MGAT5: variants seen among roughly 807,000 people sequenced by gnomAD.
The protein encoded by MGAT5 is alpha-1,6-mannosylglycoprotein 6-beta-N-acetylglucosaminyltransferase A.
In MGAT5, 30 loss-of-function variants were observed where a neutral mutation model predicts 94.3. The observed-to-expected ratio is 0.32, with a 90% CI of 0.24 to 0.43. The LOEUF (loss-of-function observed/expected upper bound fraction) is 0.43, where lower values mean the gene tolerates loss of function less well. MGAT5 is among the 20% of genes least tolerant of loss of function. The pLI, the probability that MGAT5 is intolerant of heterozygous loss-of-function variation, is 1.00. For synonymous variants in MGAT5, 310 were observed against 322.9 expected (o/e 0.96, Z 0.43); for missense variants, 691 against 905.5 (o/e 0.76, Z 3.04).
chr2:134,439,637 C>A (rs1049443873), intron 14 of MGAT5, among the ~76,000 whole-genome samples: 1 of 152,206 alleles, frequency 6.6e-6, no homozygotes, highest in Admixed American at 6.5e-5. Flanking sequence ...GCGGAGGTAG[C>A]AGGGAACCGA....
At chr2:134,130,758 T>C (rs1312349177) in intron 1 of MGAT5, among the ~76,000 whole-genome samples, 1 of 143,400 alleles carries the variant, frequency 7.0e-6, no homozygotes, top group Non-Finnish European at 1.6e-5. Context: ...GCTAAAGGAT[T>C]GTAAAAATGC....
intron 2 of MGAT5, among the ~76,000 whole-genome samples, chr2:134,276,080 T>C (rs1384674889): frequency 6.6e-6 from 1 of 152,136 alleles, no homozygotes; most frequent in African/African-American, 2.4e-5. Context: ...GAAAGACGCC[T>C]GAGACGCTGA....
intron 1 of MGAT5, among the ~76,000 whole-genome samples, chr2:134,177,364 T>TG (rs1417486883): frequency 6.6e-6 from 1 of 152,038 alleles, no homozygotes; most frequent in Non-Finnish European, 1.5e-5. Flanking sequence ...CCCACAGGCC[T>TG]GGGGGGATCT....
intron 1 of MGAT5, among the ~76,000 whole-genome samples, chr2:134,263,195 T>G (rs1271876595): frequency 6.6e-6 from 1 of 152,178 alleles, no homozygotes; most frequent in East Asian, 1.9e-4. Flanking sequence ...CCTTATCTTT[T>G]CTATAAAAAA....
At chr2:134,423,017 C>T in intron 13 of MGAT5, 98 bp downstream of exon 13, 1 of 835,122 alleles carries the variant, frequency 1.2e-6, no homozygotes, top group Non-Finnish European at 2.0e-6. Flanking sequence ...CAGATCTTTA[C>T]CACATCAGCT....
At chr2:134,130,649 CCAAT>C in intron 1 of MGAT5, among the ~76,000 whole-genome samples, 2 of 143,634 alleles carry the variant, frequency 1.4e-5, no homozygotes, top group Non-Finnish European at 3.2e-5. Flanking sequence ...TGTAAATGCA[CCAAT>C]CAGCACTCTG....
intron 1 of MGAT5, among the ~76,000 whole-genome samples, chr2:134,126,285 C>G (rs1466852574): frequency 6.6e-6 from 1 of 152,136 alleles, no homozygotes; most frequent in East Asian, 1.9e-4. Context: ...GAGTTAAGTT[C>G]AGTGATAAAG....
At chr2:134,424,082 A>T (rs1028073683) in intron 13 of MGAT5, among the ~76,000 whole-genome samples, 1 of 152,220 alleles carries the variant, frequency 6.6e-6, no homozygotes, top group Non-Finnish European at 1.5e-5. Flanking sequence ...TTTCTGGAGA[A>T]TGCAGCCTTT....
chr2:134,189,602 G>GTTTTGTTTTGTTTTTTTTT lies in MGAT5; in HGVS notation c.-142-64656_-142-64655insGTTTTGTTTTTTTTTTTTT, dbSNP rs1553490380. ...AACCTCATGGCTCTAGTTTTTTTTTGTTTTTTTTTTTTTTTTTTAAGACAG... is the reference window on the plus strand; with the variant it reads ...AACCTCATGGCTCTAGTTTTTTTTTGTTTTGTTTTGTTTTTTTTTTTTTTTTTTTTTTTTTTTAAGACAG... On this transcript the variant is annotated intron_variant, in intron 1 of 16. Transcript: ENST00000409645. Among the ~76,000 whole-genome samples the GTTTTGTTTTGTTTTTTTTT allele has an allele frequency of 3.7e-3, 309 of 84,616 alleles. 15 individuals carry two copies. Among genetic ancestry groups the GTTTTGTTTTGTTTTTTTTT allele is most frequent in the African/African-American group, 0.014 (284 of 20,964 alleles). The allele number at this position is 84,616 out of a possible 152,430, so 55.5% of individuals were successfully genotyped here.
chr2:134,163,188 G>A lies in MGAT5; in HGVS notation c.-143+42897G>A, dbSNP rs538775487. On this transcript the variant is annotated intron_variant, in intron 1 of 16. Transcript: ENST00000409645. ...GGGCTTGGAAGGGGGATGTATTGGG[G>A]ACAGGGAAAATAACCTAGCTACGAT... is the stretch of plus-strand genomic sequence containing the variant. Among the ~76,000 whole-genome samples, 3 of 152,242 alleles carry A rather than the reference G, an allele frequency of 2.0e-5. No homozygotes were observed. In the South Asian group the frequency reaches 6.2e-4, roughly 32 times the overall value.
At position 134,454,485 on chromosome 2, in the gene MGAT5, T is replaced by TAA. The variant is rs1553470347; in HGVS notation, c.*5639_*5640dup. 2.0e-5 allele frequency: 3 copies of TAA among 152,206 alleles called. No individual in the cohort carries two copies. The highest frequency in any genetic ancestry group is 4.4e-5 in the Non-Finnish European group (3 of 68,026). 9.4% of individuals were successfully genotyped at this position (152,206 alleles called of 1,614,324 possible). A position where few individuals can be genotyped will look rare whatever the true frequency, so the allele number is the denominator to read the frequency against. On this transcript the variant is annotated 3_prime_UTR_variant, in exon 16 of 16. Transcript: ENST00000281923. ...ATTTTGTGTGATTCACTTCGGGGGT[T>TAA]AAGTAATGCAGGATTCTGCAAACAA...
chr2:134,164,614 C>A (rs1038419992), intron 1 of MGAT5, among the ~76,000 whole-genome samples: 25 of 152,128 alleles, frequency 1.6e-4, no homozygotes, highest in Admixed American at 4.6e-4. Context: ...CCTCTCATTT[C>A]TGATGCTTTC....
chr2:134,390,829 T>G (rs1035919155), intron 10 of MGAT5, among the ~76,000 whole-genome samples: 1 of 152,220 alleles, frequency 6.6e-6, no homozygotes, highest in Non-Finnish European at 1.5e-5. Flanking sequence ...AGCAAGTTAT[T>G]TGGGCCTAGG....
intron 2 of MGAT5, among the ~76,000 whole-genome samples, chr2:134,310,364 C>T (rs1318350795): frequency 1.3e-5 from 2 of 152,070 alleles, no homozygotes; most frequent in African/African-American, 4.8e-5. Context: ...TTTGTTTAAT[C>T]CATAAATGAG....
chr2:134,223,923 C>G (rs769231506), intron 1 of MGAT5, among the ~76,000 whole-genome samples: 1 of 152,260 alleles, frequency 6.6e-6, no homozygotes, highest in Non-Finnish European at 1.5e-5. Context: ...CTTATACAGA[C>G]AACTATATTG....
intron 1 of MGAT5, among the ~76,000 whole-genome samples, chr2:134,259,691 C>G (rs1473642467): frequency 2.0e-5 from 3 of 152,182 alleles, no homozygotes; most frequent in Admixed American, 6.5e-5. Flanking sequence ...TCTCCTGGTT[C>G]CCTGAGCTTT....
intron 2 of MGAT5, among the ~76,000 whole-genome samples, chr2:134,288,429 G>A (rs1685143961): frequency 1.3e-5 from 2 of 152,138 alleles, no homozygotes; most frequent in South Asian, 4.2e-4. Flanking sequence ...GCCTGTGGCT[G>A]CTTTCACATC....
chr2:134,147,494 A>G (rs1449817846), intron 1 of MGAT5, among the ~76,000 whole-genome samples: 1 of 152,122 alleles, frequency 6.6e-6, no homozygotes, highest in African/African-American at 2.4e-5. Flanking sequence ...ATCTTTTCAC[A>G]TGAAGTTGTA....
At chr2:134,227,672 T>A (rs924322470) in intron 1 of MGAT5, among the ~76,000 whole-genome samples, 6 of 152,208 alleles carry the variant, frequency 3.9e-5, no homozygotes, top group African/African-American at 1.4e-4. Flanking sequence ...GAGGGAAAAC[T>A]TTCTCAAGAA....
Sources: gnomAD v4.1 joint callset for allele counts (sites outside exome capture counted in the v4.1 genomes callset) on GRCh38, gnomAD v4.1.1 for gene constraint, MANE v1.5 for transcripts, NCBI Gene and HGNC (gene_info 2026-07-23, HGNC 2026-07-21) for gene names.